Variants in NBPF15 observed in about 807,000 individuals in gnomAD.
The protein encoded by NBPF15 is NBPF member 15.
NBPF15 carries 74 observed loss-of-function variants against 62.2 expected under a neutral mutation model. That is an observed-to-expected ratio of 1.19 (90% CI 0.99 to 1.44). The LOEUF (loss-of-function observed/expected upper bound fraction) is 1.44, where lower values mean the gene tolerates loss of function less well. Among genes scored for constraint, NBPF15 ranks in the 40% most tolerant of loss-of-function variants. The pLI, the probability that NBPF15 is intolerant of heterozygous loss-of-function variation, is 0.00. For missense variants in NBPF15, 790 were observed against 550.0 expected (o/e 1.44, Z -4.36); for synonymous variants, 244 against 209.7 (o/e 1.16, Z -1.41).
rs782122310 is a variant in NBPF15, at chr1:144,426,468, A to G, written c.1266-18T>C. The G allele has an allele frequency of 2.5e-6, 2 of 814,298 alleles. No homozygotes were observed. Among genetic ancestry groups the G allele is most frequent in the East Asian group, 4.8e-5 (2 of 41,308 alleles). 50.4% of individuals were successfully genotyped at this position (814,298 alleles called of 1,614,324 possible). On this transcript the variant is annotated intron_variant, in intron 17 of 21. Coordinates refer to ENST00000581897, the MANE Select transcript of NBPF15 (RefSeq NM_001385408.1). Reference sequence around the variant, plus strand: ...TGCTGAGCCTGGAAAAGTAGGAAAAAGTAAAGAATAAGCCAGGGAGAATCA... The same window carrying G: ...TGCTGAGCCTGGAAAAGTAGGAAAAGGTAAAGAATAAGCCAGGGAGAATCA...
chr1:144,434,480 G>C (rs1676723720), intron 12 of NBPF15, among the ~76,000 whole-genome samples: 2 of 141,224 alleles, frequency 1.4e-5, no homozygotes, highest in Non-Finnish European at 3.0e-5. Context: ...CAGCCTGGGT[G>C]ACAGAGCAAG....
At chr1:144,457,518 GTGACACTTGGAGATTGT>G (rs1160699296) in intron 3 of NBPF15, among the ~76,000 whole-genome samples, 1 of 151,990 alleles carries the variant, frequency 6.6e-6, no homozygotes, top group Non-Finnish European at 1.5e-5. Context: ...GGTGAAAACT[GTGACACTTGGAGATTGT>G]TGAATATGGT....
At chr1:144,427,646 C>G (rs1571110901) in intron 16 of NBPF15, among the ~76,000 whole-genome samples, 172 bp downstream of exon 16, 1 of 145,996 alleles carries the variant, frequency 6.8e-6, no homozygotes, top group Admixed American at 6.6e-5. Flanking sequence ...ACTGATCCAT[C>G]CCTTGTCTGG....
intron 13 of NBPF15, among the ~76,000 whole-genome samples, chr1:144,432,762 T>C (rs1318252761): frequency 1.3e-5 from 2 of 152,038 alleles, no homozygotes; most frequent in Admixed American, 6.6e-5. Flanking sequence ...TTAACTATCC[T>C]AAATATATAT....
rs1553538748 is a variant in NBPF15 at position 144,423,829 on chromosome 1, T to A, written c.1769+41A>T. 3.8e-5 allele frequency: 29 copies of A among 762,182 alleles called. 2 individuals carry two copies. Among genetic ancestry groups the A allele is most frequent in the South Asian group, 3.1e-4 (23 of 74,398 alleles). 47.2% of individuals were successfully genotyped at this position (762,182 alleles called of 1,614,324 possible). On this transcript the variant is annotated intron_variant, in intron 21 of 21. Coordinates refer to ENST00000581897, the MANE Select transcript of NBPF15 (RefSeq NM_001385408.1). The stretch of plus-strand genomic sequence containing the variant: ...TTTCCCTGAATCTGTTGCCTCCAGG[T>A]GTTAACACAGAATTAAGCATCCACA...
Position 144,427,108 on chromosome 1 carries a change from G to T in NBPF15, c.1214-10C>A. The stretch of plus-strand genomic sequence containing the variant: ...TGGTACTTTTCAATTTCTGCAATAA[G>T]TTCAGACATGGACAGACATATTAAG... On this transcript the variant is annotated splice_polypyrimidine_tract_variant and intron_variant, in intron 16 of 21. Transcript: ENST00000581897. 1 of 565,370 alleles carries T rather than the reference G, an allele frequency of 1.8e-6. No homozygotes were observed. Among genetic ancestry groups the T allele is most frequent in the Non-Finnish European group, 3.1e-6 (1 of 324,262 alleles). 35.0% of individuals were successfully genotyped at this position (565,370 alleles called of 1,614,324 possible).
At chr1:144,457,230 T>C (rs1648629204) in intron 3 of NBPF15, among the ~76,000 whole-genome samples, 1 of 152,026 alleles carries the variant, frequency 6.6e-6, no homozygotes, top group Admixed American at 6.6e-5. Context: ...TTGAGGCAGA[T>C]CTTAGTGAAC....
intron 6 of NBPF15, among the ~76,000 whole-genome samples, chr1:144,445,270 G>GTGTA (rs1553543714): frequency 5.7e-5 from 6 of 105,014 alleles, no homozygotes; most frequent in African/African-American, 7.2e-5. Flanking sequence ...GTCTGTATAT[G>GTGTA]TATATATATA....
chr1:144,461,642 G>C lies in NBPF15; in HGVS notation c.-1199C>G, dbSNP rs1653201459. On this transcript the variant is annotated 5_prime_UTR_variant, in exon 1 of 22. Transcript: ENST00000581897. ...TAGCCTGCGCCAGCTGGCTCCTCAG[G>C]GTCCCGCCCGGCGCGTCAGGAGAGC... 1 of 152,400 alleles carries C rather than the reference G, an allele frequency of 6.6e-6. No homozygotes were observed. The highest frequency in any genetic ancestry group is 1.9e-4 in the East Asian group (1 of 5,148). 9.4% of individuals were successfully genotyped at this position (152,400 alleles called of 1,614,324 possible).
At position 144,428,014 on chromosome 1, in the gene NBPF15, G is replaced by C. The variant is rs1312523060; in HGVS notation, c.1041-24C>G. 2.6e-6 allele frequency: 2 copies of C among 758,814 alleles called. 1 individual carries two copies. The highest frequency in any genetic ancestry group is 4.9e-5 in the East Asian group (2 of 40,588). 47.0% of individuals were successfully genotyped at this position (758,814 alleles called of 1,614,324 possible). A position where few individuals can be genotyped will look rare whatever the true frequency, so the allele number is the denominator to read the frequency against. ...GCCTGGAAAAGTGGGAAAAAGTAAA[G>C]AATAAGCCAGGGGGAATCAGAAACC... On this transcript the variant is annotated intron_variant, in intron 15 of 21. Transcript: ENST00000581897.
chr1:144,441,023 T>C (rs1181211971), intron 6 of NBPF15, among the ~76,000 whole-genome samples: 2 of 151,822 alleles, frequency 1.3e-5, no homozygotes, highest in African/African-American at 4.8e-5. Context: ...ATTGTGTTTT[T>C]CCCTTGTTTC....
At chr1:144,443,267 C>T (rs1258367569) in intron 6 of NBPF15, among the ~76,000 whole-genome samples, 1 of 151,880 alleles carries the variant, frequency 6.6e-6, no homozygotes, top group Admixed American at 6.6e-5. Context: ...AATAACTGTA[C>T]ATATGTGGGC....
At chr1:144,459,209 G>A (rs1433143483) in intron 3 of NBPF15, among the ~76,000 whole-genome samples, 157 bp downstream of exon 3, 2 of 151,660 alleles carry the variant, frequency 1.3e-5, no homozygotes, top group African/African-American at 4.8e-5. Context: ...AAGAATCTCA[G>A]GCTGGGTGCA....
intron 13 of NBPF15, among the ~76,000 whole-genome samples, chr1:144,431,573 C>T (rs1483959397): frequency 6.8e-6 from 1 of 146,432 alleles, no homozygotes; most frequent in Non-Finnish European, 1.5e-5. Context: ...TACATGTCCA[C>T]ATTGGTGTGC....
At position 144,428,099 on chromosome 1, in the gene NBPF15, A is replaced by G. The variant is rs1404512931; in HGVS notation, c.1041-109T>C. On this transcript the variant is annotated intron_variant, in intron 15 of 21. Coordinates refer to ENST00000581897, the MANE Select transcript of NBPF15 (RefSeq NM_001385408.1). ...GGAAGAGTTTGAAAAGAAAAAGGAC[A>G]GATCCATTAATGAGGTAACAAATTA... is the stretch of plus-strand genomic sequence containing the variant. 1.3e-4 allele frequency: 93 copies of G among 717,478 alleles called. No individual in the cohort carries two copies. In the African/African-American group the frequency reaches 1.3e-3, roughly 10 times the overall value. The allele number at this position is 717,478 out of a possible 1,614,324, so 44.4% of individuals were successfully genotyped here. A position where few individuals can be genotyped will look rare whatever the true frequency, so the allele number is the denominator to read the frequency against.
intron 10 of NBPF15, among the ~76,000 whole-genome samples, chr1:144,436,209 A>T (rs1220112825): frequency 6.6e-6 from 1 of 151,866 alleles, no homozygotes; most frequent in African/African-American, 2.4e-5. Flanking sequence ...TGCATTTCAA[A>T]CCTAATTCTT....
At chr1:144,439,176 G>A (rs1355474819) in intron 8 of NBPF15, among the ~76,000 whole-genome samples, 1 of 151,566 alleles carries the variant, frequency 6.6e-6, no homozygotes, top group East Asian at 1.9e-4. Flanking sequence ...TGGAGATGGG[G>A]TTTCTCCATG....
At chr1:144,431,195 C>T (rs1397684323) in intron 13 of NBPF15, among the ~76,000 whole-genome samples, 1 of 150,596 alleles carries the variant, frequency 6.6e-6, no homozygotes, top group Non-Finnish European at 1.5e-5. Context: ...CAAGGAAGGC[C>T]AACATTCAAA....
Position 144,424,670 on chromosome 1 carries a change from C to T in NBPF15, c.1663+20G>A. ...GGAAGACTCAGTGGATCCTTATCACCTTCATAGAAAGGTACTCACCTCCCA... is the reference window on the plus strand; with the variant it reads ...GGAAGACTCAGTGGATCCTTATCACTTTCATAGAAAGGTACTCACCTCCCA... On this transcript the variant is annotated intron_variant, in intron 20 of 21. Coordinates refer to ENST00000581897, the MANE Select transcript of NBPF15 (RefSeq NM_001385408.1). 1 of 637,532 alleles carries T rather than the reference C, an allele frequency of 1.6e-6. No individual in the cohort carries two copies. The highest frequency in any genetic ancestry group is 1.9e-5 in the South Asian group (1 of 51,944). 39.5% of individuals were successfully genotyped at this position (637,532 alleles called of 1,614,324 possible).
Sources: gnomAD v4.1 joint callset for allele counts (sites outside exome capture counted in the v4.1 genomes callset) on GRCh38, gnomAD v4.1.1 for gene constraint, MANE v1.5 for transcripts, NCBI Gene and HGNC (gene_info 2026-07-23, HGNC 2026-07-21) for gene names.